NCKAP5: variants seen among roughly 807,000 people sequenced by gnomAD.
NCKAP5 encodes NCK associated protein 5.
NCKAP5 carries 92 observed loss-of-function variants against 167.0 expected under a neutral mutation model. That is an observed-to-expected ratio of 0.55 (90% CI 0.47 to 0.66). The LOEUF is 0.66. Among genes scored for constraint, NCKAP5 ranks in the 30% least tolerant of loss-of-function variants. The pLI, the probability that NCKAP5 is intolerant of heterozygous loss-of-function variation, is 0.00. For missense variants in NCKAP5, 2,378 were observed against 2,315.0 expected, an observed-to-expected ratio of 1.03 and a Z score of -0.56; for synonymous variants, 891 against 877.4, an observed-to-expected ratio of 1.02 and a Z score of -0.27.
intron 11 of NCKAP5, among the ~76,000 whole-genome samples, chr2:132,843,574 T>TC (rs1688452421): frequency 1.3e-5 from 2 of 151,518 alleles, no homozygotes; most frequent in Non-Finnish European, 1.5e-5. Context: ...TTCCCTTTTT[T>TC]GTCACTGTAA....
chr2:132,846,659 A>G (rs1688687015), intron 11 of NCKAP5, among the ~76,000 whole-genome samples: 2 of 152,002 alleles, frequency 1.3e-5, no homozygotes, highest in Non-Finnish European at 2.9e-5. Flanking sequence ...TCCATCCATT[A>G]TCCTTTTTCC....
At chr2:133,187,966 C>T (rs1311161844) in intron 5 of NCKAP5, among the ~76,000 whole-genome samples, 1 of 152,030 alleles carries the variant, frequency 6.6e-6, no homozygotes, top group Non-Finnish European at 1.5e-5. Flanking sequence ...GCATTTAGCC[C>T]ATTTACATTT....
chr2:133,591,689 G>T, the NCKAP5 span, among the ~76,000 whole-genome samples: 4 of 152,172 alleles, frequency 2.6e-5, no homozygotes, highest in South Asian at 4.1e-4. Flanking sequence ...ACCTTAGAAT[G>T]TGCAGAGAAT....
At chr2:132,765,672 T>C (rs923375814) in intron 16 of NCKAP5, among the ~76,000 whole-genome samples, 1 of 152,162 alleles carries the variant, frequency 6.6e-6, no homozygotes, top group Non-Finnish European at 1.5e-5. Context: ...TAGAAGGAGA[T>C]AACCTTGGTA....
chr2:132,943,514 G>A (rs558083801), intron 8 of NCKAP5, among the ~76,000 whole-genome samples: 2 of 152,314 alleles, frequency 1.3e-5, no homozygotes, highest in East Asian at 3.9e-4. Flanking sequence ...CTTACAATCT[G>A]CCCAAACCCC....
chr2:132,908,185 C>T (rs981524091), intron 8 of NCKAP5, among the ~76,000 whole-genome samples: 1 of 152,006 alleles, frequency 6.6e-6, no homozygotes, highest in Non-Finnish European at 1.5e-5. Context: ...TGGGGTTACA[C>T]AAAACATTTT....
chr2:133,501,935 G>GAC (rs1682556236), intron 3 of NCKAP5, among the ~76,000 whole-genome samples: 1 of 152,168 alleles, frequency 6.6e-6, no homozygotes, highest in South Asian at 2.1e-4. Context: ...ATGTGACAAG[G>GAC]ACACTAATCA....
chr2:133,405,704 T>C (rs1688383376), intron 3 of NCKAP5, among the ~76,000 whole-genome samples: 1 of 152,222 alleles, frequency 6.6e-6, no homozygotes, highest in African/African-American at 2.4e-5. Context: ...CTTCTACAAA[T>C]ATCCTTTGTG....
chr2:133,618,163 T>C, the NCKAP5 span, among the ~76,000 whole-genome samples: 42 of 152,150 alleles, frequency 2.8e-4, no homozygotes, highest in African/African-American at 8.0e-4. Context: ...TCAAGATGGA[T>C]TAAAGCCTTA....
Position 132,881,109 on chromosome 2 carries a change from A to G in NCKAP5, c.580-2193T>C, listed in dbSNP as rs192007808. ...CCAGTATACAATCCTACCTGTGATC[A>G]TGTACTGCATTCGACTGTCATTGCC... On this transcript the variant is annotated intron_variant, in intron 8 of 19. Coordinates refer to ENST00000409261, the MANE Select transcript of NCKAP5 (RefSeq NM_207363.3). Among the ~76,000 whole-genome samples the G allele has an allele frequency of 1.4e-3, 215 of 152,334 alleles. 1 individual carries two copies. The highest frequency in any genetic ancestry group is 4.6e-3 in the African/African-American group (191 of 41,574).
chr2:133,140,439 T>C (rs1049093836), intron 5 of NCKAP5, among the ~76,000 whole-genome samples: 1 of 152,134 alleles, frequency 6.6e-6, no homozygotes, highest in Non-Finnish European at 1.5e-5. Context: ...TCTGGCTAGT[T>C]TCATTTTCAT....
chr2:132,744,594 TA>T (rs1401573265), intron 16 of NCKAP5, among the ~76,000 whole-genome samples: 1 of 148,900 alleles, frequency 6.7e-6, no homozygotes, highest in African/African-American at 2.5e-5. Context: ...AAACATAAAC[TA>T]AGCAGAAGAC....
At chr2:133,658,030 G>T in the NCKAP5 span, among the ~76,000 whole-genome samples, 1 of 152,150 alleles carries the variant, frequency 6.6e-6, no homozygotes, top group Non-Finnish European at 1.5e-5. Flanking sequence ...AGGAAGGTAT[G>T]GGCAAGGCTG....
Position 133,047,540 on chromosome 2 carries a change from C to A in NCKAP5, c.342-53301G>T, listed in dbSNP as rs779283384. On this transcript the variant is annotated intron_variant, in intron 6 of 19. Transcript: ENST00000409261. ...AGAAACTTTTGAAAATATATGCTAT[C>A]ATTTTTTGAAAATAATGATTGTGAC... is the stretch of plus-strand genomic sequence containing the variant. 5.9e-4 allele frequency among the ~76,000 whole-genome samples: 90 copies of A among 152,200 alleles called. 1 individual carries two copies. Among genetic ancestry groups the A allele is most frequent in the South Asian group, 2.1e-4 (1 of 4,832 alleles).
intron 3 of NCKAP5, among the ~76,000 whole-genome samples, chr2:133,383,561 T>G (rs1409141348): frequency 4.6e-5 from 7 of 152,154 alleles, no homozygotes; most frequent in Admixed American, 1.3e-4. Flanking sequence ...ATGATTTATA[T>G]TCCTTTGGTT....
intron 11 of NCKAP5, among the ~76,000 whole-genome samples, chr2:132,812,706 T>G (rs1019653945): frequency 2.0e-5 from 3 of 152,190 alleles, no homozygotes; most frequent in Non-Finnish European, 4.4e-5. Flanking sequence ...GGGGGCTGTC[T>G]TAGTCTTTTC....
At chr2:132,781,257 A>G in intron 14 of NCKAP5, 28 bp from the exon 15 acceptor site, 1 of 1,600,612 alleles carries the variant, frequency 6.2e-7, no homozygotes, top group Non-Finnish European at 8.5e-7. Context: ...TTCCTCTGAT[A>G]AGTTACCTTG....
chr2:132,914,115 C>T (rs1327790561), intron 8 of NCKAP5, among the ~76,000 whole-genome samples: 1 of 152,052 alleles, frequency 6.6e-6, no homozygotes, highest in Non-Finnish European at 1.5e-5. Flanking sequence ...AAATGCAGTA[C>T]TGAATAACAG....
At chr2:133,088,778 A>G (rs1009182299) in intron 6 of NCKAP5, among the ~76,000 whole-genome samples, 7 of 152,226 alleles carry the variant, frequency 4.6e-5, no homozygotes, top group Non-Finnish European at 7.3e-5. Context: ...TAATAAAACG[A>G]TATGTACAGA....
Sources: gnomAD v4.1 joint callset for allele counts (sites outside exome capture counted in the v4.1 genomes callset) on GRCh38, gnomAD v4.1.1 for gene constraint, MANE v1.5 for transcripts, NCBI Gene and HGNC (gene_info 2026-07-23, HGNC 2026-07-21) for gene names.